The following NIPBL variants were observed in gnomAD, a reference collection of about 807,000 sequenced individuals.
NIPBL encodes the protein nipped-B-like protein.
In NIPBL, 19 loss-of-function variants were observed where a neutral mutation model predicts 321.8. The observed-to-expected ratio is 0.06, with a 90% CI of 0.04 to 0.09. The LOEUF (loss-of-function observed/expected upper bound fraction) is 0.09, where lower values mean the gene tolerates loss of function less well. Ranked by LOEUF, NIPBL falls within the 10% of genes least tolerant of loss-of-function variation. The pLI is 1.00. For synonymous variants in NIPBL, 1,106 were observed against 1,114.1 expected (o/e 0.99, Z 0.14); for missense variants, 2,210 against 3,327.0 (o/e 0.66, Z 8.26).
chr5:37,059,439 G>A (rs188356562), intron 44 of NIPBL, among the ~76,000 whole-genome samples: 236 of 152,252 alleles, frequency 1.6e-3, no homozygotes, highest in African/African-American at 5.4e-3. Flanking sequence ...CCTGGGAGGC[G>A]GAGATTGCAG....
intron 1 of NIPBL, among the ~76,000 whole-genome samples, chr5:36,915,266 C>T (rs916474814): frequency 1.3e-5 from 2 of 152,056 alleles, no homozygotes; most frequent in Admixed American, 6.5e-5. Flanking sequence ...TATGGCACTA[C>T]AATTAATTTC....
In NIPBL at chr5:37,018,731, G is replaced by C. The variant is rs138377853; in HGVS notation, c.4921-580G>C. 4.2e-3 allele frequency among the ~76,000 whole-genome samples: 644 copies of C among 152,212 alleles called. 4 individuals are homozygous for C. The highest frequency in any genetic ancestry group is 0.014 in the African/African-American group (591 of 41,528). On this transcript the variant is annotated intron_variant, in intron 24 of 46. Transcript: ENST00000282516. ...GGCTCTCAACACATATTTCCAAAAG[G>C]AAATTCTTCCTACCTCTGAAGATTT...
chr5:36,996,726 T>C lies in NIPBL; in HGVS notation c.3304+922T>C. The C allele has an allele frequency of 3.2e-6, 1 of 311,628 alleles. No homozygotes were observed. The highest frequency in any genetic ancestry group is 6.4e-6 in the Non-Finnish European group (1 of 157,030). The allele number at this position is 311,628 out of a possible 1,614,324, so 19.3% of individuals were successfully genotyped here. On this transcript the variant is annotated intron_variant, in intron 11 of 46. Coordinates refer to ENST00000282516, the MANE Select transcript of NIPBL (RefSeq NM_133433.4). The surrounding 1 kb of genome is among the most constrained non-coding windows in gnomAD (Gnocchi z 5.0). ...ACTTGTGTGCCAACTGACTTAGTCA[T>C]AATGACCAAAAGAAGTGGGAAGACC...
chr5:36,966,988 A>G (rs996930973), intron 6 of NIPBL, among the ~76,000 whole-genome samples: 2 of 152,006 alleles, frequency 1.3e-5, no homozygotes, highest in Admixed American at 6.6e-5. Context: ...ATTTGTATAT[A>G]AGAGAACATA....
At position 36,984,928 on chromosome 5, in the gene NIPBL, A is replaced by G; in HGVS notation, c.1748A>G (p.Glu583Gly). 6.2e-7 allele frequency: 1 copy of G among 1,613,670 alleles called. No individual in the cohort carries two copies. The highest frequency in any genetic ancestry group is 8.5e-7 in the Non-Finnish European group (1 of 1,179,850). Residue 583 changes from glutamate to glycine, a missense_variant, in exon 10 of 47, where the codon GAA becomes GGA. Coordinates refer to ENST00000282516, the MANE Select transcript of NIPBL (RefSeq NM_133433.4). ...CNDAPVSVLQ[E>G]DIVGSLKSTP... The stretch of plus-strand genomic sequence containing the variant: ...GATGCACCTGTTTCTGTTCTTCAGG[A>G]AGATATTGTTGGAAGTCTTAAATCT...
In NIPBL at chr5:36,987,508, C is replaced by T. The variant is rs114865852; in HGVS notation, c.3121+1207C>T. 8.1e-3 allele frequency among the ~76,000 whole-genome samples: 1,234 copies of T among 152,276 alleles called. 12 individuals are homozygous for T. Among genetic ancestry groups the T allele is most frequent in the African/African-American group, 0.028 (1,172 of 41,550 alleles). On this transcript the variant is annotated intron_variant, in intron 10 of 46. Transcript: ENST00000282516. ...CAAAAAGTGTGTGGTTATTGTTTTT[C>T]ATAACATGCTGTTGTAGCTTGTCTA...
chr5:37,049,891 AAGC>A (rs1460249765), intron 40 of NIPBL, among the ~76,000 whole-genome samples: 2 of 152,232 alleles, frequency 1.3e-5, no homozygotes, highest in Non-Finnish European at 2.9e-5. Flanking sequence ...TGTATTAAGT[AAGC>A]AGAGTCTATA....
intron 11 of NIPBL, 141 bp downstream of exon 11, chr5:36,995,945 A>G (rs926406722): frequency 7.2e-6 from 5 of 691,006 alleles, no homozygotes; most frequent in Non-Finnish European, 9.7e-6. Flanking sequence ...TTTTTTCTCT[A>G]TACTTTAAAA....
chr5:36,906,541 GGA>G (rs1747653741), intron 1 of NIPBL, among the ~76,000 whole-genome samples: 1 of 151,984 alleles, frequency 6.6e-6, no homozygotes, highest in Non-Finnish European at 1.5e-5. Flanking sequence ...TCTGCTACCA[GGA>G]CAGATTTTGT....
At chr5:37,047,508 C>G (rs1034496139) in intron 38 of NIPBL, among the ~76,000 whole-genome samples, 1 of 152,082 alleles carries the variant, frequency 6.6e-6, no homozygotes. Context: ...ACATCATTTA[C>G]TAAGGAGTTA....
intron 2 of NIPBL, among the ~76,000 whole-genome samples, chr5:36,954,342 A>T (rs1453383884): frequency 6.6e-6 from 1 of 152,168 alleles, no homozygotes; most frequent in Non-Finnish European, 1.5e-5. Context: ...CTCCAAATAC[A>T]ACTTTTCTGG....
At chr5:37,043,868 C>G (rs1433323478) in intron 34 of NIPBL, among the ~76,000 whole-genome samples, 1 of 152,212 alleles carries the variant, frequency 6.6e-6, no homozygotes, top group Middle Eastern at 3.2e-3. Flanking sequence ...TCCCTGGCCT[C>G]TATCCACTAG....
rs753756758 is a variant in NIPBL, at chr5:37,017,030, C to T, written c.4788C>T (p.Phe1596=). The T allele has an allele frequency of 1.4e-5, 23 of 1,605,986 alleles. 1 individual carries two copies. The East Asian group carries it at 4.9e-4, about 34-fold the overall frequency. ...SLLGRLLVHQ[F]SNKSTEMALR... is the part of the protein sequence containing the mutation. ...ATTTTGATATTTAGGTTCATCAGTT[C>T]AGTAACAAGTCAACAGAGATGGCTT... The change falls in exon 24 of 47, where the codon TTC becomes TTT. Residue 1596 remains phenylalanine, a synonymous_variant. Coordinates refer to ENST00000282516, the MANE Select transcript of NIPBL (RefSeq NM_133433.4).
rs554019091 is a variant in NIPBL at position 37,024,026 on chromosome 5, G to A, written c.5575-559G>A. 5.3e-5 allele frequency among the ~76,000 whole-genome samples: 8 copies of A among 152,016 alleles called. No individual in the cohort carries two copies. In the South Asian group the frequency reaches 8.3e-4, roughly 16 times the overall value. ...CTAAAAATACAAAAATTAGCCAGGC[G>A]TGGTGGTATGCACCTGTAATCCCAG... On this transcript the variant is annotated intron_variant, in intron 29 of 46. Coordinates refer to ENST00000282516, the MANE Select transcript of NIPBL (RefSeq NM_133433.4).
intron 1 of NIPBL, among the ~76,000 whole-genome samples, chr5:36,923,892 A>G (rs1298092320): frequency 1.3e-5 from 2 of 152,196 alleles, no homozygotes; most frequent in Admixed American, 6.5e-5. Flanking sequence ...TGGATAGAGC[A>G]AGATGCACTT....
intron 1 of NIPBL, among the ~76,000 whole-genome samples, chr5:36,932,911 C>T (rs1298233609): frequency 6.6e-6 from 1 of 150,938 alleles, no homozygotes; most frequent in Non-Finnish European, 1.5e-5. Flanking sequence ...GATCCTTTCA[C>T]TTCAGCCTTG....
intron 1 of NIPBL, among the ~76,000 whole-genome samples, chr5:36,911,201 T>G (rs1382482744): frequency 6.6e-6 from 1 of 152,228 alleles, no homozygotes; most frequent in African/African-American, 2.4e-5. Context: ...AGCTTTTTCC[T>G]AAGTGACAGT....
chr5:36,994,460 ATTC>A (rs1745904232), intron 10 of NIPBL, among the ~76,000 whole-genome samples: 1 of 152,172 alleles, frequency 6.6e-6, no homozygotes, highest in African/African-American at 2.4e-5. Context: ...TCGTCTTAAT[ATTC>A]TTGATAGCTA....
At position 37,064,638 on chromosome 5, in the gene NIPBL, C is replaced by A; in HGVS notation, c.8161C>A (p.Arg2721=). 6.2e-7 allele frequency: 1 copy of A among 1,614,062 alleles called. No homozygotes were observed. The highest frequency in any genetic ancestry group is 8.5e-7 in the Non-Finnish European group (1 of 1,180,006). The change falls in exon 47 of 47, where the codon CGA becomes AGA. Residue 2721 remains arginine, a synonymous_variant. Coordinates refer to ENST00000282516, the MANE Select transcript of NIPBL (RefSeq NM_133433.4). The part of the protein sequence containing the change: ...IAICCPKYKD[R]PQIARVVQKT... ...TATTTGCTGTCCAAAGTACAAAGAT[C>A]GACCACAAATTGCAAGAGTAGTGCA...
Sources: allele counts gnomAD v4.1 joint callset (sites outside exome capture counted in the v4.1 genomes callset), GRCh38; gene constraint gnomAD v4.1.1; non-coding constraint Gnocchi (gnomAD v3.1); transcripts MANE v1.5; gene names NCBI Gene and HGNC (gene_info 2026-07-23, HGNC 2026-07-21).